Variants in MCU observed in about 807,000 individuals in gnomAD.
MCU encodes calcium uniporter protein, mitochondrial.
A neutral mutation model predicts 45.2 loss-of-function variants in MCU; 12 were observed. The observed-to-expected ratio is 0.27, with a 90% CI of 0.17 to 0.43. MCU has a LOEUF of 0.43. Ranked by LOEUF, MCU falls within the 20% of genes least tolerant of loss-of-function variation. MCU has a pLI of 1.00. For missense variants in MCU, 324 were observed against 436.7 expected, an observed-to-expected ratio of 0.74 and a Z score of 2.30; for synonymous variants, 160 against 165.1, an observed-to-expected ratio of 0.97 and a Z score of 0.24.
At chr10:72,733,042 G>A (rs903092847) in intron 1 of MCU, among the ~76,000 whole-genome samples, 4 of 152,340 alleles carry the variant, frequency 2.6e-5, no homozygotes, top group African/African-American at 9.6e-5. Context: ...AAAAAGCACA[G>A]GTTTTGGTGC....
intron 1 of MCU, among the ~76,000 whole-genome samples, chr10:72,815,996 T>C (rs1844619727): frequency 6.6e-6 from 1 of 152,070 alleles, no homozygotes. Flanking sequence ...CTGGCCAACA[T>C]GGTGAAACCC....
chr10:72,820,020 C>G (rs1655473354), intron 1 of MCU, among the ~76,000 whole-genome samples: 1 of 152,078 alleles, frequency 6.6e-6, no homozygotes, highest in Non-Finnish European at 1.5e-5. Context: ...ACTTTTTATT[C>G]TGTGAACATG....
At chr10:72,856,581 G>A (rs565811354) in intron 2 of MCU, among the ~76,000 whole-genome samples, 1 of 151,950 alleles carries the variant, frequency 6.6e-6, no homozygotes, top group South Asian at 2.1e-4. Flanking sequence ...GATTAGTAGG[G>A]ATATAAATCC....
At chr10:72,872,825 G>A (rs1006155250) in intron 6 of MCU, among the ~76,000 whole-genome samples, 17 of 151,710 alleles carry the variant, frequency 1.1e-4, no homozygotes, top group Non-Finnish European at 1.9e-4. Context: ...TCTATTTTTC[G>A]TTTTTTTGAG....
Position 72,867,919 on chromosome 10 carries a change from A to G in MCU, c.497-784A>G, listed in dbSNP as rs1845482358. On this transcript the variant is annotated intron_variant, in intron 4 of 7. Coordinates refer to ENST00000373053, the MANE Select transcript of MCU (RefSeq NM_138357.3). ...TTTTATTTATGCCTTTGTATTTGCA[A>G]ATTTGAAATACTATATATTTTTCCC... is the stretch of plus-strand genomic sequence containing the variant. Among the ~76,000 whole-genome samples the G allele has an allele frequency of 2.6e-5, 4 of 151,954 alleles. No individual in the cohort carries two copies. In the South Asian group the frequency reaches 8.3e-4, roughly 31 times the overall value.
rs1000765530 is a variant in MCU at position 72,791,410 on chromosome 10, C to G, written c.151-42949C>G. On this transcript the variant is annotated intron_variant, in intron 1 of 7. Coordinates refer to ENST00000373053, the MANE Select transcript of MCU (RefSeq NM_138357.3). Reference sequence around the variant, plus strand: ...TTGATTTTTACTCTCTTCACAACCTCCCTATCTATACCGTAGTCCAGGGGA... The same window carrying G: ...TTGATTTTTACTCTCTTCACAACCTGCCTATCTATACCGTAGTCCAGGGGA... Among the ~76,000 whole-genome samples, 10 of 152,158 alleles carry G rather than the reference C, an allele frequency of 6.6e-5. No individual in the cohort carries two copies. The East Asian group carries it at 1.9e-3, about 29-fold the overall frequency.
intron 1 of MCU, among the ~76,000 whole-genome samples, chr10:72,794,275 C>G (rs1196787372): frequency 6.6e-6 from 1 of 152,148 alleles, no homozygotes; most frequent in African/African-American, 2.4e-5. Flanking sequence ...GTGGGAAAAA[C>G]ATAGGATCAC....
chr10:72,885,265 T>G (rs942484526), intron 7 of MCU, among the ~76,000 whole-genome samples: 6 of 152,196 alleles, frequency 3.9e-5, no homozygotes, highest in African/African-American at 1.4e-4. Context: ...CCGGGTGAAG[T>G]CCAAGCATGT....
intron 1 of MCU, among the ~76,000 whole-genome samples, chr10:72,744,630 A>G (rs149594486): frequency 3.0e-4 from 45 of 152,316 alleles, no homozygotes; most frequent in African/African-American, 1.0e-3. Flanking sequence ...ACTTCGTCTC[A>G]AAATTCAGGA....
intron 1 of MCU, among the ~76,000 whole-genome samples, chr10:72,779,894 A>G (rs1307106498): frequency 6.6e-6 from 1 of 152,210 alleles, no homozygotes; most frequent in Non-Finnish European, 1.5e-5. Context: ...TTGAACATGT[A>G]TTTCCCATAG....
intron 1 of MCU, among the ~76,000 whole-genome samples, chr10:72,716,343 C>T (rs1842954995): frequency 6.6e-6 from 1 of 152,202 alleles, no homozygotes; most frequent in Non-Finnish European, 1.5e-5. Flanking sequence ...AAGTCAAGAC[C>T]TGTGTCATAA....
chr10:72,697,535 G>C (rs189944651), intron 1 of MCU, among the ~76,000 whole-genome samples: 2 of 148,742 alleles, frequency 1.3e-5, no homozygotes, highest in Admixed American at 1.4e-4. Flanking sequence ...CCTGGTTCAA[G>C]CGATTCTCCT....
chr10:72,692,910 C>A (rs1206708447), intron 1 of MCU: 1 of 1,495,796 alleles, frequency 6.7e-7, no homozygotes, highest in African/African-American at 1.4e-5. Context: ...GAACCGGCTC[C>A]CTCGAGATGG....
intron 2 of MCU, among the ~76,000 whole-genome samples, chr10:72,850,407 T>C (rs1845190644): frequency 1.3e-5 from 2 of 152,184 alleles, no homozygotes; most frequent in South Asian, 4.1e-4. Context: ...AACCCCAACA[T>C]GTGCTTCCTT....
intron 5 of MCU, among the ~76,000 whole-genome samples, chr10:72,870,905 T>G (rs1845532276): frequency 6.6e-6 from 1 of 152,002 alleles, no homozygotes; most frequent in African/African-American, 2.4e-5. Flanking sequence ...TAGTTGTATG[T>G]ATATATATTT....
At chr10:72,805,178 T>TTTCC (rs375373722) in intron 1 of MCU, among the ~76,000 whole-genome samples, 9,674 of 140,354 alleles carry the variant, frequency 0.069, 1,167 homozygotes, top group African/African-American at 0.25. Flanking sequence ...TCTCTCTCTC[T>TTTCC]TTCCTTCCTT....
intron 1 of MCU, among the ~76,000 whole-genome samples, chr10:72,815,872 CT>C (rs1200943015): frequency 6.6e-6 from 1 of 152,082 alleles, no homozygotes; most frequent in African/African-American, 2.4e-5. Context: ...TAGATTATCA[CT>C]TTATAATCTT....
intron 1 of MCU, among the ~76,000 whole-genome samples, chr10:72,732,914 T>G (rs1843195292): frequency 6.6e-6 from 1 of 152,222 alleles, no homozygotes; most frequent in Non-Finnish European, 1.5e-5. Context: ...AATGGCCCTT[T>G]TGAGTGTTTT....
chr10:72,874,205 T>G (rs1845587597), intron 6 of MCU, among the ~76,000 whole-genome samples: 1 of 152,210 alleles, frequency 6.6e-6, no homozygotes, highest in Non-Finnish European at 1.5e-5. Flanking sequence ...TGATTTATTC[T>G]TTATCAACCG....
Sources: allele counts gnomAD v4.1 joint callset (sites outside exome capture counted in the v4.1 genomes callset), GRCh38; gene constraint gnomAD v4.1.1; transcripts MANE v1.5; gene names NCBI Gene and HGNC (gene_info 2026-07-23, HGNC 2026-07-21).